OPCML: variants seen among roughly 807,000 people sequenced by gnomAD.
The protein encoded by OPCML is opioid binding protein/cell adhesion molecule like, also known as opioid-binding protein/cell adhesion molecule.
A neutral mutation model predicts 37.8 loss-of-function variants in OPCML; 13 were observed. The ratio of observed to expected loss-of-function variants is 0.34; its 90% confidence interval spans 0.22 to 0.55. The LOEUF (loss-of-function observed/expected upper bound fraction) is 0.55, where lower values mean the gene tolerates loss of function less well. Ranked by LOEUF, OPCML falls within the 20% of genes least tolerant of loss-of-function variation. OPCML has a pLI of 0.91. For synonymous variants in OPCML, 176 were observed against 168.8 expected, an observed-to-expected ratio of 1.04 and a Z score of -0.33; for missense variants, 341 against 435.6, an observed-to-expected ratio of 0.78 and a Z score of 1.93.
At chr11:132,832,012 A>G (rs1940718076) in intron 2 of OPCML, among the ~76,000 whole-genome samples, 1 of 151,750 alleles carries the variant, frequency 6.6e-6, no homozygotes, top group Admixed American at 6.6e-5. Flanking sequence ...AGTCCATCGC[A>G]CAATGCTTAC....
At chr11:132,542,626 A>G (rs2096359550) in intron 3 of OPCML, among the ~76,000 whole-genome samples, 1 of 152,010 alleles carries the variant, frequency 6.6e-6, no homozygotes, top group Non-Finnish European at 1.5e-5. Flanking sequence ...CACCATGAAC[A>G]TCCACCCTCA....
intron 4 of OPCML, among the ~76,000 whole-genome samples, chr11:132,464,617 G>A (rs890080408): frequency 4.0e-5 from 6 of 151,826 alleles, no homozygotes; most frequent in East Asian, 1.9e-4. Flanking sequence ...GATGGTCCTC[G>A]CCTTAACAAA....
intron 2 of OPCML, among the ~76,000 whole-genome samples, chr11:132,723,451 A>T (rs1944752654): frequency 6.6e-6 from 1 of 152,204 alleles, no homozygotes; most frequent in African/African-American, 2.4e-5. Flanking sequence ...ACCCCACAAT[A>T]TATACCTGCC....
intron 1 of OPCML, among the ~76,000 whole-genome samples, chr11:133,052,552 C>T (rs548339700): frequency 1.3e-5 from 2 of 152,140 alleles, no homozygotes; most frequent in Non-Finnish European, 2.9e-5. Context: ...GCCCAGTGTC[C>T]CTTATTTTGT....
chr11:132,528,555 G>T (rs2096314843), intron 4 of OPCML, among the ~76,000 whole-genome samples: 2 of 152,270 alleles, frequency 1.3e-5, no homozygotes, highest in South Asian at 4.1e-4. Context: ...ATGCCCAAAT[G>T]CACTTAACCA....
intron 4 of OPCML, among the ~76,000 whole-genome samples, chr11:132,492,204 C>A (rs2096218224): frequency 6.6e-6 from 1 of 151,762 alleles, no homozygotes; most frequent in South Asian, 2.1e-4. Context: ...AGATTCTGGC[C>A]TTTACTGTGA....
chr11:132,774,809 C>A (rs1488027411), intron 2 of OPCML, among the ~76,000 whole-genome samples: 2 of 152,196 alleles, frequency 1.3e-5, no homozygotes, highest in East Asian at 3.8e-4. Context: ...CAGGGCTGTG[C>A]ATACAGTAGG....
chr11:133,411,168 T>A (rs1485717136), intron 1 of OPCML, among the ~76,000 whole-genome samples: 1 of 151,690 alleles, frequency 6.6e-6, no homozygotes, highest in Non-Finnish European at 1.5e-5. Flanking sequence ...ACCAATAGGG[T>A]CCCTCAACTT....
chr11:132,987,295 C>T (rs547406760), intron 1 of OPCML, among the ~76,000 whole-genome samples: 18 of 152,232 alleles, frequency 1.2e-4, no homozygotes, highest in South Asian at 1.0e-3. Context: ...ATGACTTCTA[C>T]GCTGCCAACC....
At chr11:132,692,862 C>T (rs780229132) in intron 2 of OPCML, among the ~76,000 whole-genome samples, 1 of 152,158 alleles carries the variant, frequency 6.6e-6, no homozygotes, top group Non-Finnish European at 1.5e-5. Flanking sequence ...GATCATGAAC[C>T]ACCTTTTCCC....
intron 2 of OPCML, among the ~76,000 whole-genome samples, chr11:132,786,625 G>A (rs1159052127): frequency 1.3e-5 from 2 of 151,934 alleles, no homozygotes; most frequent in African/African-American, 4.8e-5. Context: ...GACACATTAG[G>A]GAACGGACAA....
rs1170776419 is a variant in OPCML at position 133,249,739 on chromosome 11, C to T, written c.61+282525G>A. Among the ~76,000 whole-genome samples, 6 of 152,202 alleles carry T rather than the reference C, an allele frequency of 3.9e-5. No individual in the cohort carries two copies. The East Asian group carries it at 1.2e-3, about 29-fold the overall frequency. On this transcript the variant is annotated intron_variant, in intron 1 of 7. Coordinates refer to ENST00000524381, the MANE Select transcript of OPCML (RefSeq NM_001012393.5). ...TGAAGATGTGATTCGAAGAAGACAG[C>T]TCAGTAGCAATTCCATCAGCATTAA...
chr11:133,432,687 T>G (rs952212572), intron 1 of OPCML, among the ~76,000 whole-genome samples: 1 of 152,240 alleles, frequency 6.6e-6, no homozygotes, highest in African/African-American at 2.4e-5. Flanking sequence ...GGGAGTCTCT[T>G]TCAGTTGTCT....
chr11:132,818,383 G>A (rs1939754601), intron 2 of OPCML, among the ~76,000 whole-genome samples: 1 of 151,822 alleles, frequency 6.6e-6, no homozygotes, highest in African/African-American at 2.4e-5. Context: ...TAACGTGGGT[G>A]GACTTCCTGT....
chr11:133,135,002 T>C (rs1949664776), intron 1 of OPCML, among the ~76,000 whole-genome samples: 1 of 152,216 alleles, frequency 6.6e-6, no homozygotes, highest in Non-Finnish European at 1.5e-5. Flanking sequence ...TCCCTTTCTT[T>C]CTTGAAAACA....
chr11:132,920,964 T>A (rs1944773485), intron 2 of OPCML, among the ~76,000 whole-genome samples: 1 of 152,052 alleles, frequency 6.6e-6, no homozygotes, highest in African/African-American at 2.4e-5. Context: ...ATTTAAGAAG[T>A]TTTCCTTGCC....
In OPCML at chr11:133,496,927, C is replaced by T. The variant is rs1007825115; in HGVS notation, c.61+35337G>A. 5.3e-5 allele frequency among the ~76,000 whole-genome samples: 8 copies of T among 152,166 alleles called. No homozygotes were observed. The East Asian group carries it at 1.3e-3, about 26-fold the overall frequency. Reference sequence around the variant, plus strand: ...TGTCTGATTTCTCTTGCTAGGACTTCCAGTACTATATTGAAGAGGAGTGGT... The same window carrying T: ...TGTCTGATTTCTCTTGCTAGGACTTTCAGTACTATATTGAAGAGGAGTGGT... On this transcript the variant is annotated intron_variant, in intron 1 of 7. Transcript: ENST00000524381.
At chr11:132,614,272 A>G (rs933503443) in intron 3 of OPCML, among the ~76,000 whole-genome samples, 2 of 152,064 alleles carry the variant, frequency 1.3e-5, no homozygotes, top group Admixed American at 1.3e-4. Context: ...TGCTTCCCCC[A>G]TCAGATTTTC....
At chr11:133,192,858 T>A (rs566016586) in intron 1 of OPCML, among the ~76,000 whole-genome samples, 108 of 145,796 alleles carry the variant, frequency 7.4e-4, no homozygotes, top group African/African-American at 2.7e-3. Context: ...GCTTCGTGTT[T>A]TCTTTTCTTT....
Sources: allele counts gnomAD v4.1 joint callset (sites outside exome capture counted in the v4.1 genomes callset), GRCh38; gene constraint gnomAD v4.1.1; transcripts MANE v1.5; gene names NCBI Gene and HGNC (gene_info 2026-07-23, HGNC 2026-07-21).